Variants in UNKL observed in about 807,000 individuals in gnomAD.
The protein encoded by UNKL is unk like zinc finger, also known as putative E3 ubiquitin-protein ligase UNKL.
A neutral mutation model predicts 78.0 loss-of-function variants in UNKL; 60 were observed. The observed-to-expected ratio is 0.77, with a 90% confidence interval of 0.63 to 0.95. The LOEUF (loss-of-function observed/expected upper bound fraction) is 0.95, where lower values mean the gene tolerates loss of function less well. Among genes scored for constraint, UNKL ranks in the 40% least tolerant of loss-of-function variants. UNKL has a pLI of 0.00. For missense variants in UNKL, 1,159 were observed against 1,045.7 expected, an observed-to-expected ratio of 1.11 and a Z score of -1.49; for synonymous variants, 608 against 474.8, an observed-to-expected ratio of 1.28 and a Z score of -3.65.
intron 1 of UNKL, 58 bp from the exon 2 acceptor site, chr16:1,414,113 TCGTGGGCGGCGGGAC>T: frequency 6.7e-7 from 1 of 1,481,774 alleles, no homozygotes. Flanking sequence ...GGACTCGGAC[TCGTGGGCGGCGGGAC>T]CCACCGGCCT....
rs953807856 is a variant in UNKL at position 1,371,632 on chromosome 16, C to T, written c.1265-21G>A. 4.8e-5 allele frequency: 73 copies of T among 1,535,006 alleles called. No homozygotes were observed. The East Asian group carries it at 1.6e-3, about 34-fold the overall frequency. ...AGAACCTGTCAACAGAGCCCCCCAT[C>T]ATCCACAGCCCACCCAGCGCTGCAG... is the stretch of plus-strand genomic sequence containing the variant. On this transcript the variant is annotated intron_variant, in intron 10 of 14. Transcript: ENST00000389221.
chr16:1,395,268 A>G (rs921120283), intron 6 of UNKL, among the ~76,000 whole-genome samples: 2 of 150,968 alleles, frequency 1.3e-5, no homozygotes, highest in Non-Finnish European at 2.9e-5. Context: ...CCTGGATTCA[A>G]GCAATTCTCC....
chr16:1,385,603 G>A (rs1464465927), intron 9 of UNKL, among the ~76,000 whole-genome samples: 1 of 152,246 alleles, frequency 6.6e-6, no homozygotes, highest in Non-Finnish European at 1.5e-5. Flanking sequence ...GACAGGCACA[G>A]ACACCTCTGG....
chr16:1,413,949 G>A lies in UNKL; in HGVS notation c.184C>T (p.Arg62Cys). Residue 62 changes from arginine (R) to cysteine (C), a missense_variant, in exon 2 of 15, where the codon CGC becomes TGC. Arg to Cys is a radical substitution (Grantham distance 180). Transcript: ENST00000389221. Reference sequence around the variant, plus strand: ...TCGCGCCTGCGGAGGGGCCTGCGGCGCCGCTGGTTGAGGAAGTGCCAGTGG... The same window carrying A: ...TCGCGCCTGCGGAGGGGCCTGCGGCACCGCTGGTTGAGGAAGTGCCAGTGG... The part of the protein sequence containing the change: ...CFHWHFLNQR[R>C]RRPLRRRDGT... 6.4e-7 allele frequency: 1 copy of A among 1,552,832 alleles called. No individual in the cohort carries two copies. The highest frequency in any genetic ancestry group is 8.7e-7 in the Non-Finnish European group (1 of 1,148,220).
In UNKL at chr16:1,364,359, ATTTTTACCTAGACG is replaced by A. The variant is rs2035064114; in HGVS notation, c.*1867_*1880del. On this transcript the variant is annotated 3_prime_UTR_variant, in exon 15 of 15. Coordinates refer to ENST00000389221, the MANE Select transcript of UNKL (RefSeq NM_001372107.1). ...TCTAATTTGGTCACTGATGATAAAG[ATTTTTACCTAGACG>A]TTTTGCACTTAAAAAATGCTATTAA... 1 of 152,242 alleles carries A rather than the reference ATTTTTACCTAGACG, an allele frequency of 6.6e-6. No homozygotes were observed. The highest frequency in any genetic ancestry group is 6.5e-5 in the Admixed American group (1 of 15,276). 9.4% of individuals were successfully genotyped at this position (152,242 alleles called of 1,614,324 possible). A position where few individuals can be genotyped will look rare whatever the true frequency, so the allele number is the denominator to read the frequency against.
At position 1,398,545 on chromosome 16, in the gene UNKL, G is replaced by A. The variant is rs576805365; in HGVS notation, c.734+829C>T. On this transcript the variant is annotated intron_variant, in intron 5 of 14. Coordinates refer to ENST00000389221, the MANE Select transcript of UNKL (RefSeq NM_001372107.1). ...CCCAAAGGAAGCACAGGTGCTCTCCGGGGCATGCGAGGCAGCACCAGGTCA... is the reference window on the plus strand; with the variant it reads ...CCCAAAGGAAGCACAGGTGCTCTCCAGGGCATGCGAGGCAGCACCAGGTCA... 2.2e-4 allele frequency: 300 copies of A among 1,347,912 alleles called. 2 individuals carry two copies. The Middle Eastern group carries it at 2.9e-3, about 13-fold the overall frequency. 83.5% of individuals were successfully genotyped at this position (1,347,912 alleles called of 1,614,324 possible). A position where few individuals can be genotyped will look rare whatever the true frequency, so the allele number is the denominator to read the frequency against.
intron 10 of UNKL, among the ~76,000 whole-genome samples, chr16:1,375,628 T>G (rs529347080): frequency 6.6e-6 from 1 of 152,168 alleles, no homozygotes; most frequent in South Asian, 2.1e-4. Context: ...TTAGGGACTT[T>G]CGAAGGTCTT....
rs1465986854 is a variant in UNKL at position 1,399,520 on chromosome 16, G to C, written c.599-11C>G. On this transcript the variant is annotated splice_polypyrimidine_tract_variant and intron_variant, in intron 4 of 14. Coordinates refer to ENST00000389221, the MANE Select transcript of UNKL (RefSeq NM_001372107.1). The surrounding 1 kb of genome is among the most constrained non-coding windows in gnomAD (Gnocchi z 5.8). ...GCACGAAGTTGGCATCTGAAAAATG[G>C]GCCACACGGTGCCTGAGCAGCGCGA... is the stretch of plus-strand genomic sequence containing the variant. 6 of 1,589,314 alleles carry C rather than the reference G, an allele frequency of 3.8e-6. No homozygotes were observed. In the East Asian group the frequency reaches 1.2e-4, roughly 31 times the overall value.
intron 7 of UNKL, among the ~76,000 whole-genome samples, chr16:1,393,205 C>T (rs1362794151): frequency 2.0e-5 from 3 of 152,206 alleles, no homozygotes; most frequent in South Asian, 4.1e-4. Context: ...ATGTTTAAAA[C>T]GTGAACAAGA....
chr16:1,398,185 G>C (rs540313465), intron 5 of UNKL: 2 of 567,226 alleles, frequency 3.5e-6, no homozygotes, highest in African/African-American at 4.1e-5. Flanking sequence ...TTAAAACTCC[G>C]CACCAATTTC....
intron 6 of UNKL, chr16:1,394,435 C>A: frequency 1.4e-6 from 1 of 692,446 alleles, no homozygotes; most frequent in Non-Finnish European, 2.6e-6. Context: ...ACATGTGGGG[C>A]CATTCCCGCA....
chr16:1,374,427 C>T (rs144841343), intron 10 of UNKL, among the ~76,000 whole-genome samples: 5 of 152,210 alleles, frequency 3.3e-5, no homozygotes, highest in Non-Finnish European at 5.9e-5. Flanking sequence ...GGCCCTAGAC[C>T]CCCTTCCTCC....
rs1008438251 is a variant in UNKL at position 1,399,028 on chromosome 16, G to A, written c.734+346C>T. On this transcript the variant is annotated intron_variant, in intron 5 of 14. Coordinates refer to ENST00000389221, the MANE Select transcript of UNKL (RefSeq NM_001372107.1). The surrounding 1 kb of genome is among the most constrained non-coding windows in gnomAD (Gnocchi z 5.8). ...GGAGACAGCATGCAGCCCACAGGCT[G>A]GAGAGCGTGGCTGCAACCAGAGGCA... The A allele has an allele frequency of 1.4e-6, 2 of 1,443,194 alleles. No homozygotes were observed. The highest frequency in any genetic ancestry group is 1.4e-5 in the South Asian group (1 of 70,500). The allele number at this position is 1,443,194 out of a possible 1,614,324, so 89.4% of individuals were successfully genotyped here. A position where few individuals can be genotyped will look rare whatever the true frequency, so the allele number is the denominator to read the frequency against.
At chr16:1,412,431 C>T (rs1340098114) in intron 2 of UNKL, among the ~76,000 whole-genome samples, 23 of 151,772 alleles carry the variant, frequency 1.5e-4, no homozygotes, top group East Asian at 2.0e-4. Context: ...GCCAACATGG[C>T]GAAACCTCAA....
intron 7 of UNKL, 101 bp downstream of exon 7, chr16:1,394,030 C>T: frequency 7.9e-7 from 1 of 1,261,514 alleles, no homozygotes; most frequent in Non-Finnish European, 1.1e-6. Context: ...GCCCGCCTTC[C>T]AGGTCCTCGT....
intron 6 of UNKL, chr16:1,395,937 C>A: frequency 2.8e-6 from 1 of 362,356 alleles, no homozygotes; most frequent in Non-Finnish European, 5.6e-6. Flanking sequence ...ACGCCTCCCC[C>A]TTGGCTGAGG....
chr16:1,376,831 T>C (rs958139752), intron 10 of UNKL, among the ~76,000 whole-genome samples: 6 of 152,196 alleles, frequency 3.9e-5, no homozygotes, highest in East Asian at 1.9e-4. Context: ...ACTGGTAACA[T>C]AGATTTCAGC....
chr16:1,370,335 A>G lies in UNKL; in HGVS notation c.1380T>C (p.Ser460=), dbSNP rs919791217. The G allele has an allele frequency of 6.5e-7, 1 of 1,532,614 alleles. No homozygotes were observed. The highest frequency in any genetic ancestry group is 1.2e-5 in the South Asian group (1 of 83,830). 94.9% of individuals were successfully genotyped at this position (1,532,614 alleles called of 1,614,324 possible). A position where few individuals can be genotyped will look rare whatever the true frequency, so the allele number is the denominator to read the frequency against. Residue 460 remains serine, a synonymous_variant, in exon 12 of 15, where the codon TCT becomes TCC. Transcript: ENST00000389221. ...GGGAGCCGGGGATGGCGACAGGTGCAGAGCCGGCCAGCGACCTGGGACCTG... is the reference window on the plus strand; with the variant it reads ...GGGAGCCGGGGATGGCGACAGGTGCGGAGCCGGCCAGCGACCTGGGACCTG... The part of the protein sequence containing the change: ...GAAGPRSLAG[S]APVAIPGSLP...
At chr16:1,414,555 C>T in intron 1 of UNKL, 60 bp downstream of exon 1, 1 of 756,198 alleles carries the variant, frequency 1.3e-6, no homozygotes, top group Non-Finnish European at 1.6e-6. Flanking sequence ...CGAGCCCCGG[C>T]GGGAGGCTCC....
Sources: allele counts gnomAD v4.1 joint callset (sites outside exome capture counted in the v4.1 genomes callset), GRCh38; gene constraint gnomAD v4.1.1; non-coding constraint Gnocchi (gnomAD v3.1); transcripts MANE v1.5; gene names NCBI Gene and HGNC (gene_info 2026-07-23, HGNC 2026-07-21).